The following FBN3 variants were observed in gnomAD, a reference collection of about 807,000 sequenced individuals.
FBN3 encodes fibrillin-3.
FBN3 carries 234 observed loss-of-function variants against 330.1 expected under a neutral mutation model. That is an observed-to-expected ratio of 0.71 (90% CI 0.64 to 0.79). The LOEUF is 0.79. FBN3 is among the 30% of genes least tolerant of loss of function. The pLI, the probability that FBN3 is intolerant of heterozygous loss-of-function variation, is 0.00. For missense variants in FBN3, 3,606 were observed against 3,886.9 expected, an observed-to-expected ratio of 0.93 and a Z score of 1.92; for synonymous variants, 1,458 against 1,517.3, an observed-to-expected ratio of 0.96 and a Z score of 0.91.
At chr19:8,106,023 C>T (rs1000464960) in intron 38 of FBN3, 85 bp downstream of exon 38, 1 of 1,550,042 alleles carries the variant, frequency 6.5e-7, no homozygotes, top group African/African-American at 1.4e-5. Context: ...GCCTTCCCTC[C>T]TCTACCCTTG....
At position 8,109,102 on chromosome 19, in the gene FBN3, T is replaced by C. The variant is rs147398780; in HGVS notation, c.4618+125A>G. The C allele has an allele frequency of 3.6e-4, 310 of 854,834 alleles. 2 individuals carry two copies. In the African/African-American group the frequency reaches 4.6e-3, roughly 13 times the overall value. The allele number at this position is 854,834 out of a possible 1,614,324, so 53.0% of individuals were successfully genotyped here. On this transcript the variant is annotated intron_variant, in intron 36 of 63. Transcript: ENST00000600128. The surrounding 1 kb of genome is among the most constrained non-coding windows in gnomAD (Gnocchi z 5.2). ...TGTGACCCAGGATGAGCCCCTCTCC[T>C]CCCCCAGTTCTTGGTTTTCCTGTCG... is the stretch of plus-strand genomic sequence containing the variant.
intron 36 of FBN3, 111 bp from the exon 37 acceptor site, chr19:8,108,349 T>C (rs2144805508): frequency 1.2e-6 from 1 of 803,182 alleles, no homozygotes; most frequent in East Asian, 2.5e-5. Flanking sequence ...GCTCCCATCC[T>C]TCTACTGTAC....
chr19:8,125,675 C>T (rs1043785499), intron 22 of FBN3, among the ~76,000 whole-genome samples: 4 of 151,770 alleles, frequency 2.6e-5, no homozygotes, highest in African/African-American at 9.7e-5. Context: ...CCTGTAATCC[C>T]AGCTACTCAG....
chr19:8,096,925 T>C lies in FBN3; in HGVS notation c.5369A>G (p.Lys1790Arg), dbSNP rs754618221. The part of the protein sequence containing the change: ...CINIPGSYRC[K>R]CTRGYKLSPG... ...CGACAGTTTGTACCCTCGGGTGCACTTGCAGCGGTAGCTACCGGGGATGTT... is the reference window on the plus strand; with the variant it reads ...CGACAGTTTGTACCCTCGGGTGCACCTGCAGCGGTAGCTACCGGGGATGTT... The change falls in exon 43 of 64, where the codon AAG becomes AGG. Residue 1790 changes from lysine to arginine, a missense_variant. Physicochemically the swap from Lys to Arg is conservative, Grantham distance 26. Coordinates refer to ENST00000600128, the MANE Select transcript of FBN3 (RefSeq NM_032447.5). The surrounding 1 kb of genome is among the most constrained non-coding windows in gnomAD (Gnocchi z 4.6). 6.2e-7 allele frequency: 1 copy of C among 1,613,826 alleles called. No individual in the cohort carries two copies. The highest frequency in any genetic ancestry group is 8.5e-7 in the Non-Finnish European group (1 of 1,179,998).
chr19:8,086,158 G>A, intron 55 of FBN3, 42 bp downstream of exon 55: 3 of 1,568,636 alleles, frequency 1.9e-6, no homozygotes, highest in Middle Eastern at 1.7e-4. Flanking sequence ...GGTGCCACAT[G>A]GTAGGTGGTT....
At position 8,072,134 on chromosome 19, in the gene FBN3, G is replaced by T; in HGVS notation, c.8002C>A (p.Leu2668Ile). 1 of 1,608,344 alleles carries T rather than the reference G, an allele frequency of 6.2e-7. No homozygotes were observed. The change falls in exon 63 of 64, where the codon CTC becomes ATC. Residue 2668 changes from leucine (L) to isoleucine (I), a missense_variant. Coordinates refer to ENST00000600128, the MANE Select transcript of FBN3 (RefSeq NM_032447.5). ...PQDTPDKEELLSSEACYECKI... is the reference protein window; with the variant it reads ...PQDTPDKEELISSEACYECKI... The stretch of plus-strand genomic sequence containing the variant: ...CATTCGTAGCAGGCTTCAGACGAGA[G>T]CAGCTCCTCTTTGTCCGGGGTGTCC...
intron 59 of FBN3, among the ~76,000 whole-genome samples, chr19:8,076,247 CGTGTGTGTGT>C (rs34549426): frequency 2.0e-5 from 3 of 147,646 alleles, no homozygotes; most frequent in East Asian, 2.0e-4. Context: ...TGTCCGTGTG[CGTGTGTGTGT>C]GTGTGTGTGT....
At chr19:8,148,588 C>T (rs1265213874) in intron 1 of FBN3, among the ~76,000 whole-genome samples, 1 of 152,144 alleles carries the variant, frequency 6.6e-6, no homozygotes, top group Non-Finnish European at 1.5e-5. Flanking sequence ...AGGAGACGAC[C>T]GTTTGGAGGG....
chr19:8,113,955 C>T (rs1179481638), intron 30 of FBN3, among the ~76,000 whole-genome samples: 1 of 151,544 alleles, frequency 6.6e-6, no homozygotes, highest in Non-Finnish European at 1.5e-5. Flanking sequence ...TGTGTCACTG[C>T]ACTCCAGCCT....
At position 8,123,577 on chromosome 19, in the gene FBN3, C is replaced by T. The variant is rs1311732687; in HGVS notation, c.2969G>A (p.Cys990Tyr). 1.9e-6 allele frequency: 3 copies of T among 1,614,092 alleles called. No homozygotes were observed. Among genetic ancestry groups the T allele is most frequent in the Non-Finnish European group, 2.5e-6 (3 of 1,180,024 alleles). ...GRPFYKDVNE[C>Y]KVFPGLCTHG... Reference sequence around the variant, plus strand: ...CGTGCAGAGGCCAGGGAACACCTTGCATTCATTCACATCTGAAGTACAGGG... The same window carrying T: ...CGTGCAGAGGCCAGGGAACACCTTGTATTCATTCACATCTGAAGTACAGGG... The change falls in exon 24 of 64, where the codon TGC becomes TAC. Residue 990 changes from cysteine to tyrosine, a missense_variant. Physicochemically the swap from Cys to Tyr is radical, Grantham distance 194. Transcript: ENST00000600128.
chr19:8,068,878 C>T (rs2081450529), intron 63 of FBN3, among the ~76,000 whole-genome samples: 1 of 151,994 alleles, frequency 6.6e-6, no homozygotes, highest in African/African-American at 2.4e-5. Flanking sequence ...GCCACTGTTA[C>T]ACACTACAGA....
At position 8,131,270 on chromosome 19, in the gene FBN3, C is replaced by T; in HGVS notation, c.2009G>A (p.Cys670Tyr). 4 of 1,612,016 alleles carry T rather than the reference C, an allele frequency of 2.5e-6. No homozygotes were observed. The highest frequency in any genetic ancestry group is 3.4e-6 in the Non-Finnish European group (4 of 1,179,584). Reference sequence around the variant, plus strand: ...CGTGGTAATGCCAAGCCCACTGCTGCACAGTGCCTGGAACTCAGCTGGGGA... The same window carrying T: ...CGTGGTAATGCCAAGCCCACTGCTGTACAGTGCCTGGAACTCAGCTGGGGA... The part of the protein sequence containing the change: ...AKDSAEFQAL[C>Y]SSGLGITTDG... The change falls in exon 16 of 64, where the codon TGC becomes TAC. Residue 670 changes from cysteine (C) to tyrosine (Y), a missense_variant. Transcript: ENST00000600128. This position sits in a 1 kb window ranked among gnomAD's most constrained non-coding sequence, Gnocchi z 4.5.
rs1453771619 is a variant in FBN3 at position 8,094,530 on chromosome 19, G to A, written c.5821C>T (p.Leu1941=). The change falls in exon 47 of 64, where the codon CTA becomes TTA. Residue 1941 remains leucine, a synonymous_variant. Coordinates refer to ENST00000600128, the MANE Select transcript of FBN3 (RefSeq NM_032447.5). ...NECLSLAGTC[L]PGTCQNLEGS... is the part of the protein sequence containing the mutation. ...TCGAGGTTCTGGCAAGTGCCGGGTA[G>A]GCAGGTTCCTGCAAGGCTGAGGCAC... The A allele has an allele frequency of 6.2e-7, 1 of 1,613,980 alleles. No homozygotes were observed. Among genetic ancestry groups the A allele is most frequent in the Middle Eastern group, 1.7e-4 (1 of 6,052 alleles).
chr19:8,124,662 C>T (rs1281511975), intron 22 of FBN3, among the ~76,000 whole-genome samples: 2 of 151,968 alleles, frequency 1.3e-5, no homozygotes, highest in East Asian at 1.9e-4. Flanking sequence ...CTCAGCCTCC[C>T]GAGTAGCTGG....
Position 8,096,529 on chromosome 19 carries a change from A to G in FBN3, c.5454T>C (p.His1818=), listed in dbSNP as rs1181712988. 14 of 1,613,758 alleles carry G rather than the reference A, an allele frequency of 8.7e-6. No individual in the cohort carries two copies. Among genetic ancestry groups the G allele is most frequent in the Non-Finnish European group, 1.1e-5 (13 of 1,179,980 alleles). ...TGCCTTCTGTGTCCATGCAGTCACC[A>G]TGGCTACAGACATTCGGGATCTCCC... ...ECREIPNVCS[H]GDCMDTEGSY... The change falls in exon 44 of 64, where the codon CAT becomes CAC. Residue 1818 remains histidine, a synonymous_variant. Transcript: ENST00000600128. The surrounding 1 kb of genome is among the most constrained non-coding windows in gnomAD (Gnocchi z 4.6).
In FBN3 at chr19:8,109,863, CCAGATTGTGGGACAATGT is replaced by C. The variant is rs1189883961; in HGVS notation, c.4334-128_4334-111del. 3.2e-6 allele frequency: 4 copies of C among 1,240,192 alleles called. No individual in the cohort carries two copies. The allele number at this position is 1,240,192 out of a possible 1,614,324, so 76.8% of individuals were successfully genotyped here. ...CTCGCTCAAGGTCAACTCCTGGGCA[CCAGATTGTGGGACAATGT>C]CATGTCCTTCCCTGGGAAGAAACCT... On this transcript the variant is annotated intron_variant, in intron 34 of 63. Coordinates refer to ENST00000600128, the MANE Select transcript of FBN3 (RefSeq NM_032447.5). The surrounding 1 kb of genome is among the most constrained non-coding windows in gnomAD (Gnocchi z 5.2).
intron 40 of FBN3, among the ~76,000 whole-genome samples, 160 bp downstream of exon 40, chr19:8,102,564 C>T (rs529718523): frequency 6.6e-6 from 1 of 152,264 alleles, no homozygotes; most frequent in East Asian, 1.9e-4. Flanking sequence ...TATTTCTTCA[C>T]AGCAGTATGA....
Position 8,149,055 on chromosome 19 carries a change from G to A in FBN3, c.-18+394C>T, listed in dbSNP as rs1042376573. Among the ~76,000 whole-genome samples, 3 of 152,218 alleles carry A rather than the reference G, an allele frequency of 2.0e-5. No individual in the cohort carries two copies. Among genetic ancestry groups the A allele is most frequent in the Non-Finnish European group, 4.4e-5 (3 of 68,028 alleles). On this transcript the variant is annotated intron_variant, in intron 1 of 63. Transcript: ENST00000600128. The surrounding 1 kb of genome is among the most constrained non-coding windows in gnomAD (Gnocchi z 5.5). Reference sequence around the variant, plus strand: ...GGAGTTTGTGGAATGAATGAGCAGAGAAGGCGCGCCCGGCACGGGGTGTGG... The same window carrying A: ...GGAGTTTGTGGAATGAATGAGCAGAAAAGGCGCGCCCGGCACGGGGTGTGG...
Position 8,091,345 on chromosome 19 carries a change from C to T in FBN3, c.6031+120G>A, listed in dbSNP as rs923585336. 41 of 1,333,376 alleles carry T rather than the reference C, an allele frequency of 3.1e-5. No individual in the cohort carries two copies. In the East Asian group the frequency reaches 9.2e-4, roughly 30 times the overall value. 82.6% of individuals were successfully genotyped at this position (1,333,376 alleles called of 1,614,324 possible). A position where few individuals can be genotyped will look rare whatever the true frequency, so the allele number is the denominator to read the frequency against. Reference sequence around the variant, plus strand: ...ATAACTCTGCTAATGCAAACAGACACCTCTGCCTGGTCAGAGCTCCCAAAG... The same window carrying T: ...ATAACTCTGCTAATGCAAACAGACATCTCTGCCTGGTCAGAGCTCCCAAAG... On this transcript the variant is annotated intron_variant, in intron 48 of 63. Transcript: ENST00000600128.
Sources: gnomAD v4.1 joint callset for allele counts (sites outside exome capture counted in the v4.1 genomes callset) on GRCh38, gnomAD v4.1.1 for gene constraint, Gnocchi (gnomAD v3.1) non-coding constraint, MANE v1.5 for transcripts, NCBI Gene and HGNC (gene_info 2026-07-23, HGNC 2026-07-21) for gene names.